Variants in SPICE1 observed in about 807,000 individuals in gnomAD.
SPICE1 encodes the protein spindle and centriole-associated protein 1.
SPICE1 carries 75 observed loss-of-function variants against 102.7 expected under a neutral mutation model. That is an observed-to-expected ratio of 0.73 (90% confidence interval 0.61 to 0.88). The LOEUF (loss-of-function observed/expected upper bound fraction) is 0.88, where lower values mean the gene tolerates loss of function less well. Among genes scored for constraint, SPICE1 ranks in the 40% least tolerant of loss-of-function variants. The pLI is 0.00. For synonymous variants in SPICE1, 308 were observed against 350.3 expected (o/e 0.88, Z 1.35); for missense variants, 979 against 1,020.1 (o/e 0.96, Z 0.55).
At chr3:113,470,052 C>A (rs1936159373) in intron 7 of SPICE1, among the ~76,000 whole-genome samples, 1 of 152,194 alleles carries the variant, frequency 6.6e-6, no homozygotes, top group Admixed American at 6.5e-5. Flanking sequence ...GGTTACAGAG[C>A]TAAGCGTTAT....
Position 113,514,963 on chromosome 3 carries a change from G to A in SPICE1, c.-67C>T. On this transcript the variant is annotated 5_prime_UTR_variant, in exon 1 of 18. Coordinates refer to ENST00000295872, the MANE Select transcript of SPICE1 (RefSeq NM_144718.4). ...GTAAGGATTCCCCAACCGGGCGCCT[G>A]GATCCCAGGCAACAGACAGATGCCA... 1.0e-5 allele frequency: 8 copies of A among 802,590 alleles called. No homozygotes were observed. The highest frequency in any genetic ancestry group is 1.0e-5 in the Non-Finnish European group (6 of 597,140). The allele number at this position is 802,590 out of a possible 1,614,324, so 49.7% of individuals were successfully genotyped here. A position where few individuals can be genotyped will look rare whatever the true frequency, so the allele number is the denominator to read the frequency against.
In SPICE1 at chr3:113,450,385, A is replaced by T; in HGVS notation, c.2274T>A (p.Asn758Lys). The T allele has an allele frequency of 6.2e-7, 1 of 1,614,166 alleles. No individual in the cohort carries two copies. Among genetic ancestry groups the T allele is most frequent in the Non-Finnish European group, 8.5e-7 (1 of 1,180,026 alleles). ...GAACAGGTGACATTGGTGGAGAAAG[A>T]TTCAAACCAACAAGTTTCTGCTGCT... ...LIEQQKLVGL[N>K]LSPPMSPVQL... Residue 758 changes from asparagine (N) to lysine (K), a missense_variant, in exon 15 of 18, where the codon AAT becomes AAA. Coordinates refer to ENST00000295872, the MANE Select transcript of SPICE1 (RefSeq NM_144718.4).
In SPICE1 at chr3:113,443,785, T is replaced by C. The variant is rs1935449857; in HGVS notation, c.*1522A>G. 1 of 152,202 alleles carries C rather than the reference T, an allele frequency of 6.6e-6. No homozygotes were observed. Among genetic ancestry groups the C allele is most frequent in the Non-Finnish European group, 1.5e-5 (1 of 68,040 alleles). The allele number at this position is 152,202 out of a possible 1,614,324, so 9.4% of individuals were successfully genotyped here. ...ACCTCCTTGTACCTCAGTTTCCTCATCTGCAAAATGAGGATAATAGTACCT... is the reference window on the plus strand; with the variant it reads ...ACCTCCTTGTACCTCAGTTTCCTCACCTGCAAAATGAGGATAATAGTACCT... On this transcript the variant is annotated 3_prime_UTR_variant, in exon 18 of 18. Transcript: ENST00000295872.
intron 7 of SPICE1, among the ~76,000 whole-genome samples, chr3:113,482,183 G>A (rs1033071231): frequency 2.6e-5 from 4 of 151,952 alleles, no homozygotes; most frequent in African/African-American, 4.8e-5. Context: ...GCTTTTTTTC[G>A]TATGTTTTTT....
At chr3:113,475,614 G>T (rs1444735286) in intron 7 of SPICE1, among the ~76,000 whole-genome samples, 1 of 152,124 alleles carries the variant, frequency 6.6e-6, no homozygotes, top group African/African-American at 2.4e-5. Context: ...TCCCTGGGAT[G>T]CAAGGCTGGT....
chr3:113,467,546 G>C (rs142590057), intron 10 of SPICE1, among the ~76,000 whole-genome samples: 1 of 152,160 alleles, frequency 6.6e-6, no homozygotes, highest in Non-Finnish European at 1.5e-5. Flanking sequence ...TGCCCGCCTC[G>C]GCCTTCCAAA....
At chr3:113,476,808 G>A (rs1468867606) in intron 7 of SPICE1, among the ~76,000 whole-genome samples, 10 of 149,042 alleles carry the variant, frequency 6.7e-5, no homozygotes, top group South Asian at 2.1e-4. Flanking sequence ...AGACTTAAAC[G>A]TTAGACCTAA....
intron 11 of SPICE1, among the ~76,000 whole-genome samples, chr3:113,463,252 C>G (rs566504946): frequency 6.6e-6 from 1 of 152,304 alleles, no homozygotes; most frequent in African/African-American, 2.4e-5. Context: ...ACTTACTATA[C>G]TTCAACTTTT....
chr3:113,506,461 T>C, intron 2 of SPICE1, 46 bp downstream of exon 2: 2 of 1,466,018 alleles, frequency 1.4e-6, no homozygotes, highest in South Asian at 2.3e-5. Flanking sequence ...CTGTGTCCAT[T>C]TCTCCAGAGT....
At chr3:113,502,823 A>G (rs1937035717) in intron 3 of SPICE1, among the ~76,000 whole-genome samples, 1 of 152,176 alleles carries the variant, frequency 6.6e-6, no homozygotes, top group Non-Finnish European at 1.5e-5. Flanking sequence ...ATACACAGAA[A>G]TTATTACACT....
intron 7 of SPICE1, among the ~76,000 whole-genome samples, chr3:113,485,551 G>A (rs1225895814): frequency 2.0e-5 from 3 of 152,084 alleles, no homozygotes; most frequent in African/African-American, 7.2e-5. Context: ...GGCAGAACAT[G>A]TCTGGAAAAA....
At chr3:113,489,404 C>A (rs1173227563) in intron 6 of SPICE1, among the ~76,000 whole-genome samples, 2 of 152,186 alleles carry the variant, frequency 1.3e-5, no homozygotes, top group African/African-American at 2.4e-5. Context: ...TCACTCACCA[C>A]CTATGCCCTG....
Position 113,459,846 on chromosome 3 carries a change from C to T in SPICE1, c.1435+771G>A, listed in dbSNP as rs141853600. On this transcript the variant is annotated intron_variant, in intron 12 of 17. Transcript: ENST00000295872. ...GCAGTAAGCCGAGAGGGCGCCACTA[C>T]ACTCCAGCCTGGGTGACAGAGCGAA... is the stretch of plus-strand genomic sequence containing the variant. The T allele has an allele frequency of 8.7e-4, 847 of 976,934 alleles. 5 individuals carry two copies. In the African/African-American group the frequency reaches 0.013, roughly 15 times the overall value. 60.5% of individuals were successfully genotyped at this position (976,934 alleles called of 1,614,324 possible).
intron 1 of SPICE1, among the ~76,000 whole-genome samples, chr3:113,509,664 G>T (rs1937180365): frequency 6.6e-6 from 1 of 152,132 alleles, no homozygotes; most frequent in African/African-American, 2.4e-5. Flanking sequence ...CTATAAAACA[G>T]AACTAATTAA....
At chr3:113,484,393 A>T (rs1182497193) in intron 7 of SPICE1, among the ~76,000 whole-genome samples, 1 of 151,448 alleles carries the variant, frequency 6.6e-6, no homozygotes, top group East Asian at 1.9e-4. Context: ...TTCTGCTTTG[A>T]TCTTAGTTAT....
Position 113,460,776 on chromosome 3 carries a change from A to C in SPICE1, c.1288-12T>G. ...TGCTGAAGTCTTGCCTGGGGAGGAA[A>C]ACATATGAAATAATATTATTAGCAT... On this transcript the variant is annotated splice_polypyrimidine_tract_variant and intron_variant, in intron 11 of 17. Coordinates refer to ENST00000295872, the MANE Select transcript of SPICE1 (RefSeq NM_144718.4). 1 of 1,577,440 alleles carries C rather than the reference A, an allele frequency of 6.3e-7. No individual in the cohort carries two copies. The highest frequency in any genetic ancestry group is 8.6e-7 in the Non-Finnish European group (1 of 1,166,284).
At position 113,443,930 on chromosome 3, in the gene SPICE1, TATG is replaced by T. The variant is rs1436866119; in HGVS notation, c.*1374_*1376del. On this transcript the variant is annotated 3_prime_UTR_variant, in exon 18 of 18. Transcript: ENST00000295872. ...TTTGTTTACAGCATAAGAATGATTA[TATG>T]ATAACTGTGGATGTTGTTATCAATC... 4 of 152,246 alleles carry T rather than the reference TATG, an allele frequency of 2.6e-5. No individual in the cohort carries two copies. The highest frequency in any genetic ancestry group is 4.4e-5 in the Non-Finnish European group (3 of 68,044). The allele number at this position is 152,246 out of a possible 1,614,324, so 9.4% of individuals were successfully genotyped here. A position where few individuals can be genotyped will look rare whatever the true frequency, so the allele number is the denominator to read the frequency against.
rs371772003 is a variant in SPICE1, at chr3:113,481,423, T to TTTATTA, written c.611+7516_611+7521dup. Among the ~76,000 whole-genome samples the TTTATTA allele has an allele frequency of 8.0e-3, 1,218 of 151,870 alleles. 12 individuals are homozygous for TTTATTA. Among genetic ancestry groups the TTTATTA allele is most frequent in the African/African-American group, 0.028 (1,141 of 41,424 alleles). ...AGACTTTTTTTTTTCTAGTTTTTTT[T>TTTATTA]TTATTATTATACTTTAAGTTCTGGG... On this transcript the variant is annotated intron_variant, in intron 7 of 17. Transcript: ENST00000295872.
intron 10 of SPICE1, among the ~76,000 whole-genome samples, chr3:113,466,582 C>G (rs950390091): frequency 2.0e-5 from 3 of 150,414 alleles, no homozygotes; most frequent in African/African-American, 7.4e-5. Flanking sequence ...TGCACTCCAG[C>G]CTAGCAACAG....
Sources: allele counts gnomAD v4.1 joint callset (sites outside exome capture counted in the v4.1 genomes callset), GRCh38; gene constraint gnomAD v4.1.1; transcripts MANE v1.5; gene names NCBI Gene and HGNC (gene_info 2026-07-23, HGNC 2026-07-21).